GPC6: variants seen among roughly 807,000 people sequenced by gnomAD.
The protein encoded by GPC6 is glypican 6.
A neutral mutation model predicts 55.2 loss-of-function variants in GPC6; 14 were observed. The ratio of observed to expected loss-of-function variants is 0.25; its 90% CI spans 0.17 to 0.40. The LOEUF (loss-of-function observed/expected upper bound fraction) is 0.40. Ranked by LOEUF, GPC6 falls within the 10% of genes least tolerant of loss-of-function variation. The pLI is 1.00. For synonymous variants in GPC6, 278 were observed against 259.6 expected (o/e 1.07, Z -0.68); for missense variants, 641 against 708.5 (o/e 0.90, Z 1.08).
chr13:93,267,868 T>C (rs1311945886), intron 1 of GPC6, among the ~76,000 whole-genome samples: 1 of 152,170 alleles, frequency 6.6e-6, no homozygotes, highest in Non-Finnish European at 1.5e-5. Context: ...AAAAATATGC[T>C]TAGATGGGCA....
chr13:94,154,996 G>GGT (rs1887879229), intron 4 of GPC6, among the ~76,000 whole-genome samples: 1 of 151,982 alleles, frequency 6.6e-6, no homozygotes, highest in Non-Finnish European at 1.5e-5. Context: ...GCCCTTTCTT[G>GGT]TCCCTTGAGC....
chr13:93,352,125 T>C (rs1880652666), intron 1 of GPC6, among the ~76,000 whole-genome samples: 1 of 152,130 alleles, frequency 6.6e-6, no homozygotes. Flanking sequence ...TGTTCCCTTT[T>C]GAGGTGATAA....
chr13:93,360,318 G>A (rs566270467), intron 1 of GPC6, among the ~76,000 whole-genome samples: 2 of 152,274 alleles, frequency 1.3e-5, no homozygotes, highest in East Asian at 3.9e-4. Flanking sequence ...TGGATGACAA[G>A]GGAGATGGGA....
intron 1 of GPC6, among the ~76,000 whole-genome samples, chr13:93,262,289 G>T (rs1027320752): frequency 7.1e-6 from 1 of 140,550 alleles, no homozygotes; most frequent in African/African-American, 2.5e-5. Context: ...AAAGAAGGAA[G>T]GGTTCCCGAA....
At chr13:93,245,039 A>G (rs1876553640) in intron 1 of GPC6, among the ~76,000 whole-genome samples, 2 of 152,182 alleles carry the variant, frequency 1.3e-5, no homozygotes, top group Admixed American at 6.5e-5. Flanking sequence ...TGGCATTGTC[A>G]CTTTAGTCCA....
chr13:94,233,386 T>C (rs1215000665), intron 4 of GPC6, among the ~76,000 whole-genome samples: 1 of 152,188 alleles, frequency 6.6e-6, no homozygotes, highest in Non-Finnish European at 1.5e-5. Context: ...AATTTATCTC[T>C]TTTCTATGTT....
chr13:93,955,496 C>A (rs1384025282), intron 3 of GPC6, among the ~76,000 whole-genome samples: 2 of 152,054 alleles, frequency 1.3e-5, no homozygotes, highest in Non-Finnish European at 2.9e-5. Context: ...CAAGAGTGTG[C>A]CCAGAAGACC....
intron 1 of GPC6, among the ~76,000 whole-genome samples, chr13:93,543,973 AT>A (rs1882435807): frequency 6.6e-6 from 1 of 151,678 alleles, no homozygotes; most frequent in African/African-American, 2.4e-5. Flanking sequence ...AGCATTTGTT[AT>A]TTTTTATCTT....
Position 94,092,441 on chromosome 13 carries a change from T to C in GPC6, c.877+64547T>C, listed in dbSNP as rs79796636. 8.8e-3 allele frequency among the ~76,000 whole-genome samples: 1,333 copies of C among 152,274 alleles called. 14 individuals are homozygous for C. Among genetic ancestry groups the C allele is most frequent in the Non-Finnish European group, 0.015 (994 of 68,018 alleles). Reference sequence around the variant, plus strand: ...ACTTAATGTACTCTAAATTCATTTATATTGTTGCAAATAACAGAATTTCAT... The same window carrying C: ...ACTTAATGTACTCTAAATTCATTTACATTGTTGCAAATAACAGAATTTCAT... On this transcript the variant is annotated intron_variant, in intron 4 of 8. Transcript: ENST00000377047.
intron 4 of GPC6, among the ~76,000 whole-genome samples, chr13:94,043,472 C>A (rs1202463096): frequency 6.6e-6 from 1 of 151,848 alleles, no homozygotes; most frequent in East Asian, 1.9e-4. Context: ...TAACAACATA[C>A]ATACATAATC....
rs1365006783 is a variant in GPC6 at position 93,276,495 on chromosome 13, A to AGAGTGT, written c.160+48880_160+48881insAGTGTG. On this transcript the variant is annotated intron_variant, in intron 1 of 8. Transcript: ENST00000377047. ...GAGAGAGAGAGAGAGAGAGAGAGAG[A>AGAGTGT]GTGTGTGTGTGTGTGTGTGTGTGTG... Among the ~76,000 whole-genome samples the AGAGTGT allele has an allele frequency of 2.7e-3, 256 of 94,450 alleles. 1 individual carries two copies. The highest frequency in any genetic ancestry group is 6.9e-3 in the African/African-American group (154 of 22,390). The allele number at this position is 94,450 out of a possible 152,430, so 62.0% of individuals were successfully genotyped here. A position where few individuals can be genotyped will look rare whatever the true frequency, so the allele number is the denominator to read the frequency against.
At chr13:94,402,016 TAAAC>T (rs1395565578) in intron 8 of GPC6, among the ~76,000 whole-genome samples, 1 of 152,186 alleles carries the variant, frequency 6.6e-6, no homozygotes, top group South Asian at 2.1e-4. Context: ...TTTATGTAAA[TAAAC>T]CATTTTGGAG....
intron 1 of GPC6, among the ~76,000 whole-genome samples, chr13:93,240,946 A>G (rs2139015161): frequency 6.6e-6 from 1 of 152,248 alleles, no homozygotes; most frequent in African/African-American, 2.4e-5. Flanking sequence ...TACTCTGTTT[A>G]AGAAGACTAA....
At chr13:94,034,248 GGAAA>G (rs1197832622) in intron 4 of GPC6, among the ~76,000 whole-genome samples, 4 of 92,662 alleles carry the variant, frequency 4.3e-5, no homozygotes, top group South Asian at 4.1e-4. Context: ...AAGGAAGGAA[GGAAA>G]GAAAGAAAGA....
At chr13:93,479,282 C>T (rs981689726) in intron 1 of GPC6, among the ~76,000 whole-genome samples, 1 of 152,054 alleles carries the variant, frequency 6.6e-6, no homozygotes, top group Non-Finnish European at 1.5e-5. Flanking sequence ...AGGGCAAGCT[C>T]GATTTGACAA....
chr13:93,931,489 G>A (rs961718917), intron 3 of GPC6, among the ~76,000 whole-genome samples: 2 of 151,562 alleles, frequency 1.3e-5, no homozygotes, highest in Non-Finnish European at 2.9e-5. Context: ...CAGGCGTAGT[G>A]GCTCACGCTC....
intron 1 of GPC6, among the ~76,000 whole-genome samples, chr13:93,543,689 T>A (rs1003337293): frequency 2.0e-5 from 3 of 152,172 alleles, no homozygotes; most frequent in Non-Finnish European, 4.4e-5. Flanking sequence ...TTCCATTGTG[T>A]ACTTATGCCA....
intron 3 of GPC6, among the ~76,000 whole-genome samples, chr13:93,949,012 T>C (rs1879131924): frequency 6.6e-6 from 1 of 152,162 alleles, no homozygotes; most frequent in Admixed American, 6.6e-5. Context: ...AGGGCTTTCC[T>C]CTTCATTTTC....
chr13:93,567,799 A>G (rs1876208668), intron 2 of GPC6, among the ~76,000 whole-genome samples: 1 of 152,200 alleles, frequency 6.6e-6, no homozygotes, highest in African/African-American at 2.4e-5. Context: ...TGGTCAACAG[A>G]TATTTGCTTT....
Sources: allele counts gnomAD v4.1 joint callset (sites outside exome capture counted in the v4.1 genomes callset), GRCh38; gene constraint gnomAD v4.1.1; transcripts MANE v1.5; gene names NCBI Gene and HGNC (gene_info 2026-07-23, HGNC 2026-07-21).